The following SPSB4 variants were observed in gnomAD, a reference collection of about 807,000 sequenced individuals.
SPSB4 encodes the protein SPRY domain-containing SOCS box protein 4.
In SPSB4, 21 loss-of-function variants were observed where a neutral mutation model predicts 20.9. The observed-to-expected ratio is 1.01, with a 90% confidence interval of 0.71 to 1.45. SPSB4 has a LOEUF of 1.45. SPSB4 is among the 40% of genes most tolerant of loss of function. The pLI, the probability that SPSB4 is intolerant of heterozygous loss-of-function variation, is 0.00. For missense variants in SPSB4, 399 were observed against 399.2 expected, an observed-to-expected ratio of 1.00 and a Z score of 0.00; for synonymous variants, 207 against 183.8, an observed-to-expected ratio of 1.13 and a Z score of -1.02.
At chr3:141,073,745 A>G (rs1938050069) in intron 2 of SPSB4, among the ~76,000 whole-genome samples, 1 of 152,184 alleles carries the variant, frequency 6.6e-6, no homozygotes, top group African/African-American at 2.4e-5. Context: ...GACTTGAGTC[A>G]CAGTTGGCTG....
chr3:141,115,521 T>C (rs1938868546), intron 2 of SPSB4, among the ~76,000 whole-genome samples: 1 of 152,248 alleles, frequency 6.6e-6, no homozygotes, highest in Admixed American at 6.5e-5. Flanking sequence ...TCAGTTAGGT[T>C]ACCTGCCTGG....
At chr3:141,104,768 AT>A (rs1470912212) in intron 2 of SPSB4, among the ~76,000 whole-genome samples, 1 of 152,130 alleles carries the variant, frequency 6.6e-6, no homozygotes, top group East Asian at 1.9e-4. Flanking sequence ...CCAGCCAAAT[AT>A]TTTCCTTGTC....
intron 2 of SPSB4, among the ~76,000 whole-genome samples, chr3:141,131,898 G>A (rs1033679418): frequency 6.6e-6 from 1 of 152,204 alleles, no homozygotes; most frequent in Non-Finnish European, 1.5e-5. Flanking sequence ...AAGTGGTTGT[G>A]CAGTTCACGT....
rs1383636874 is a variant in SPSB4 at position 141,066,506 on chromosome 3, C to G, written c.402C>G (p.Gly134=). The G allele has an allele frequency of 6.6e-7, 1 of 1,503,992 alleles. No homozygotes were observed. 93.2% of individuals were successfully genotyped at this position (1,503,992 alleles called of 1,614,324 possible). A position where few individuals can be genotyped will look rare whatever the true frequency, so the allele number is the denominator to read the frequency against. ...CCGTGGGCTACACGGCGCTGGTAGG[C>G]AGTGACGCCGAGTCGTGGGGCTGGG... The part of the protein sequence containing the change: ...LHSVGYTALV[G]SDAESWGWDL... The change falls in exon 2 of 3, where the codon GGC becomes GGG. Residue 134 remains glycine, a synonymous_variant. Transcript: ENST00000310546.
intron 2 of SPSB4, among the ~76,000 whole-genome samples, chr3:141,129,121 C>A (rs1000104284): frequency 2.6e-5 from 4 of 152,216 alleles, no homozygotes; most frequent in African/African-American, 9.6e-5. Flanking sequence ...CCTGTCAGTA[C>A]TGAGTCAGGG....
At chr3:141,124,450 GA>G (rs1939019242) in intron 2 of SPSB4, among the ~76,000 whole-genome samples, 1 of 152,178 alleles carries the variant, frequency 6.6e-6, no homozygotes, top group African/African-American at 2.4e-5. Context: ...CCGTAATGAT[GA>G]GAACCACTCA....
intron 2 of SPSB4, chr3:141,132,402 G>A (rs565236392): frequency 7.8e-5 from 17 of 218,406 alleles, no homozygotes; most frequent in East Asian, 5.3e-4. Flanking sequence ...TCCTGACCTC[G>A]TGATCCACCC....
chr3:141,112,747 G>C (rs1346653527), intron 2 of SPSB4, among the ~76,000 whole-genome samples: 1 of 149,834 alleles, frequency 6.7e-6, no homozygotes, highest in Non-Finnish European at 1.5e-5. Context: ...CATAACCCTA[G>C]ATGGGTTATT....
chr3:141,132,653 T>C (rs990656455), intron 2 of SPSB4, among the ~76,000 whole-genome samples: 1 of 77,814 alleles, frequency 1.3e-5, no homozygotes, highest in East Asian at 3.8e-4. Flanking sequence ...AAGGTGTGTG[T>C]ATATATATAT....
At chr3:141,081,785 G>T (rs763439241) in intron 2 of SPSB4, among the ~76,000 whole-genome samples, 2 of 152,162 alleles carry the variant, frequency 1.3e-5, no homozygotes, top group African/African-American at 4.8e-5. Context: ...AAGAAAGAGG[G>T]CTGTTATGGA....
intron 2 of SPSB4, among the ~76,000 whole-genome samples, chr3:141,067,333 G>A (rs1382041476): frequency 1.3e-5 from 2 of 152,250 alleles, no homozygotes; most frequent in Non-Finnish European, 1.5e-5. Context: ...CAATTCCAGC[G>A]CTTATGGGCC....
At chr3:141,084,473 C>T (rs1343236906) in intron 2 of SPSB4, among the ~76,000 whole-genome samples, 1 of 152,240 alleles carries the variant, frequency 6.6e-6, no homozygotes, top group Non-Finnish European at 1.5e-5. Context: ...TCCAACAATG[C>T]TTGGCCCCCC....
intron 2 of SPSB4, among the ~76,000 whole-genome samples, chr3:141,133,760 C>CT (rs1939174208): frequency 1.3e-5 from 2 of 152,016 alleles, no homozygotes; most frequent in Non-Finnish European, 2.9e-5. Flanking sequence ...CTTGCTTAGG[C>CT]TATGTGAGCT....
chr3:141,086,460 G>A (rs558240629), intron 2 of SPSB4, among the ~76,000 whole-genome samples: 4 of 152,284 alleles, frequency 2.6e-5, no homozygotes, highest in Admixed American at 2.6e-4. Context: ...TGATAATAGT[G>A]CCCACCTTAT....
intron 1 of SPSB4, among the ~76,000 whole-genome samples, chr3:141,057,906 C>T (rs781109723): frequency 5.5e-4 from 84 of 152,302 alleles, no homozygotes; most frequent in Non-Finnish European, 6.5e-4. Flanking sequence ...TCAGATCTCT[C>T]GTGGAGTCTG....
chr3:141,144,384 A>T (rs995556598), intron 2 of SPSB4, among the ~76,000 whole-genome samples: 1 of 152,258 alleles, frequency 6.6e-6, no homozygotes, highest in South Asian at 2.1e-4. Context: ...TTCTAAGAAT[A>T]GCTCCCATAC....
intron 2 of SPSB4, 53 bp downstream of exon 2, chr3:141,066,851 G>A (rs886628752): frequency 1.4e-6 from 2 of 1,478,420 alleles, no homozygotes; most frequent in Non-Finnish European, 1.8e-6. Context: ...CAGGCCCTAG[G>A]GAAGCTGGGC....
intron 2 of SPSB4, among the ~76,000 whole-genome samples, chr3:141,103,846 C>A (rs1418489722): frequency 1.3e-5 from 2 of 148,504 alleles, no homozygotes; most frequent in Non-Finnish European, 3.0e-5. Flanking sequence ...TTTTTTTTTC[C>A]TTCTAATTCT....
intron 2 of SPSB4, among the ~76,000 whole-genome samples, chr3:141,084,128 C>T (rs994119361): frequency 2.6e-5 from 4 of 152,214 alleles, no homozygotes; most frequent in Non-Finnish European, 5.9e-5. Context: ...CTTCCTCTCC[C>T]AGAGAGTAAC....
Sources: allele counts gnomAD v4.1 joint callset (sites outside exome capture counted in the v4.1 genomes callset), GRCh38; gene constraint gnomAD v4.1.1; transcripts MANE v1.5; gene names NCBI Gene and HGNC (gene_info 2026-07-23, HGNC 2026-07-21).